Variants in NEDD4L observed in about 807,000 individuals in gnomAD.
The protein encoded by NEDD4L is NEDD4 like E3 ubiquitin protein ligase, also known as E3 ubiquitin-protein ligase NEDD4-like.
In NEDD4L, 54 loss-of-function variants were observed where a neutral mutation model predicts 148.9. The ratio of observed to expected loss-of-function variants is 0.36; its 90% confidence interval spans 0.29 to 0.45. The LOEUF is 0.45. Ranked by LOEUF, NEDD4L falls within the 20% of genes least tolerant of loss-of-function variation. The pLI, the probability that NEDD4L is intolerant of heterozygous loss-of-function variation, is 1.00. For synonymous variants in NEDD4L, 433 were observed against 440.7 expected (o/e 0.98, Z 0.22); for missense variants, 856 against 1,233.8 (o/e 0.69, Z 4.59).
intron 1 of NEDD4L, among the ~76,000 whole-genome samples, chr18:58,130,768 CTG>C (rs376787227): frequency 4.4e-4 from 62 of 140,352 alleles, no homozygotes; most frequent in African/African-American, 1.6e-3. Context: ...TCTAGCGGAA[CTG>C]TGGCAGTGTT....
intron 1 of NEDD4L, among the ~76,000 whole-genome samples, chr18:58,161,845 C>T (rs1307881306): frequency 6.6e-6 from 1 of 151,946 alleles, no homozygotes; most frequent in Non-Finnish European, 1.5e-5. Flanking sequence ...GCTTATGGGG[C>T]CAGTTTTGAA....
intron 2 of NEDD4L, among the ~76,000 whole-genome samples, chr18:58,213,470 T>C (rs1454561092): frequency 2.6e-5 from 4 of 152,242 alleles, no homozygotes; most frequent in African/African-American, 7.2e-5. Context: ...GAAAAATGTA[T>C]AATATCCAGT....
At chr18:58,333,277 T>TA (rs1256719882) in intron 11 of NEDD4L, among the ~76,000 whole-genome samples, 21 of 147,254 alleles carry the variant, frequency 1.4e-4, no homozygotes, top group African/African-American at 5.2e-4. Flanking sequence ...GACTCTATAT[T>TA]TAAAAAAAAA....
At chr18:58,350,943 C>G (rs1476443360) in intron 17 of NEDD4L, 48 bp from the exon 18 acceptor site, 1 of 1,454,818 alleles carries the variant, frequency 6.9e-7, no homozygotes, top group Non-Finnish European at 9.4e-7. Flanking sequence ...TTCAGAACTC[C>G]TAGCTAATGT....
intron 2 of NEDD4L, among the ~76,000 whole-genome samples, chr18:58,214,815 T>TTTTTA (rs1291603873): frequency 0.031 from 3,900 of 127,000 alleles, 74 homozygotes; most frequent in East Asian, 0.15. Flanking sequence ...TTTTTTTTTT[T>TTTTTA]TTGTTGTTGT....
intron 1 of NEDD4L, among the ~76,000 whole-genome samples, chr18:58,125,358 G>GGTGT (rs34644275): frequency 6.2e-4 from 93 of 148,816 alleles, no homozygotes; most frequent in African/African-American, 1.6e-3. Context: ...CCACCAGGAG[G>GGTGT]GTGTGTGTGT....
intron 1 of NEDD4L, among the ~76,000 whole-genome samples, chr18:58,063,011 G>A (rs71365364): frequency 0.8 from 92,360 of 114,950 alleles, 37,999 homozygotes; most frequent in East Asian, 1. Context: ...AAAAGAAATC[G>A]AAGGGTCGAT....
At chr18:58,288,590 A>G (rs562267995) in intron 5 of NEDD4L, among the ~76,000 whole-genome samples, 5 of 152,344 alleles carry the variant, frequency 3.3e-5, no homozygotes, top group African/African-American at 1.2e-4. Context: ...TTGGTTTGCT[A>G]TTGCAAAATG....
In NEDD4L at chr18:58,335,505, T is replaced by A; in HGVS notation, c.1093T>A (p.Ser365Thr). The A allele has an allele frequency of 6.2e-7, 1 of 1,613,670 alleles. No homozygotes were observed. Among genetic ancestry groups the A allele is most frequent in the South Asian group, 1.1e-5 (1 of 91,084 alleles). ...CAGTGCCCCAGCTGGGAGAGCGCGTTCATCAACTGTCACGGGTGGTGAGGA... is the reference window on the plus strand; with the variant it reads ...CAGTGCCCCAGCTGGGAGAGCGCGTACATCAACTGTCACGGGTGGTGAGGA... ...PPSAPAGRAR[S>T]STVTGGEEPT... The change falls in exon 13 of 31, where the codon TCA becomes ACA. Residue 365 changes from serine to threonine, a missense_variant. This residue lies in a region of NEDD4L where 367 missense variants were observed against 422.7 expected (regional missense o/e 0.87). Transcript: ENST00000400345.
intron 1 of NEDD4L, among the ~76,000 whole-genome samples, chr18:58,121,090 A>G (rs532923074): frequency 1.5e-4 from 23 of 152,304 alleles, no homozygotes; most frequent in African/African-American, 5.3e-4. Flanking sequence ...GATCTAAGTA[A>G]AAGTGTCTTC....
intron 13 of NEDD4L, chr18:58,335,989 G>C (rs956920145): frequency 1.9e-5 from 3 of 159,882 alleles, no homozygotes; most frequent in Non-Finnish European, 4.1e-5. Flanking sequence ...ATTTTTCACA[G>C]GGGGTTAGAC....
chr18:58,251,960 A>G (rs1228748184), intron 4 of NEDD4L, 41 bp from the exon 5 acceptor site: 1 of 1,145,256 alleles, frequency 8.7e-7, no homozygotes, highest in Non-Finnish European at 1.3e-6. Flanking sequence ...TGTTCAAATG[A>G]TTCCTGCTCG....
chr18:58,054,929 G>T (rs1029943975), intron 1 of NEDD4L: 1 of 152,086 alleles, frequency 6.6e-6, no homozygotes, highest in African/African-American at 2.4e-5. Flanking sequence ...AATATTATTG[G>T]TATTATTATT....
rs142986277 is a variant in NEDD4L at position 58,199,964 on chromosome 18, G to T, written c.122+34103G>T. Among the ~76,000 whole-genome samples, 9 of 152,186 alleles carry T rather than the reference G, an allele frequency of 5.9e-5. No individual in the cohort carries two copies. The East Asian group carries it at 1.7e-3, about 29-fold the overall frequency. On this transcript the variant is annotated intron_variant, in intron 2 of 30. Transcript: ENST00000400345. ...GGGGAAACTGGCTTCAGGGTACGTG[G>T]GGACTCTATCTTATCTTTATAATAA...
intron 5 of NEDD4L, among the ~76,000 whole-genome samples, chr18:58,283,093 A>G (rs1460150572): frequency 1.3e-5 from 2 of 151,654 alleles, no homozygotes; most frequent in Non-Finnish European, 2.9e-5. Flanking sequence ...TTATTTATTT[A>G]GAGACTGTGT....
intron 1 of NEDD4L, among the ~76,000 whole-genome samples, chr18:58,135,930 A>G (rs372038660): frequency 6.6e-6 from 1 of 152,318 alleles, no homozygotes; most frequent in African/African-American, 2.4e-5. Context: ...ATTGATGGCC[A>G]TACCCCTTGT....
Position 58,366,247 on chromosome 18 carries a change from C to G in NEDD4L, c.2063+19C>G. The G allele has an allele frequency of 6.8e-7, 1 of 1,476,790 alleles. No individual in the cohort carries two copies. Among genetic ancestry groups the G allele is most frequent in the Middle Eastern group, 1.7e-4 (1 of 5,734 alleles). 91.5% of individuals were successfully genotyped at this position (1,476,790 alleles called of 1,614,324 possible). A position where few individuals can be genotyped will look rare whatever the true frequency, so the allele number is the denominator to read the frequency against. On this transcript the variant is annotated intron_variant, in intron 21 of 30. Transcript: ENST00000400345. The surrounding 1 kb of genome is among the most constrained non-coding windows in gnomAD (Gnocchi z 4.2). ...CTGCCACGTAAGTATATGGCCACAC[C>G]CAGTGTGTGTCCCCCACTGAGACAG... is the stretch of plus-strand genomic sequence containing the variant.
intron 1 of NEDD4L, chr18:58,149,615 A>G (rs982146502): frequency 9.7e-6 from 11 of 1,131,754 alleles, no homozygotes; most frequent in Non-Finnish European, 1.4e-5. Flanking sequence ...TTCCTGTGGC[A>G]TTCTGAAGCT....
At chr18:58,190,164 G>A (rs1192526654) in intron 2 of NEDD4L, among the ~76,000 whole-genome samples, 1 of 152,154 alleles carries the variant, frequency 6.6e-6, no homozygotes, top group Admixed American at 6.5e-5. Context: ...CAAATACATA[G>A]AAGGAAGAGT....
Sources: gnomAD v4.1 joint callset for allele counts (sites outside exome capture counted in the v4.1 genomes callset) on GRCh38, gnomAD v4.1.1 for gene constraint, gnomAD v4.1.1 regional missense constraint, Gnocchi (gnomAD v3.1) non-coding constraint, MANE v1.5 for transcripts, NCBI Gene and HGNC (gene_info 2026-07-23, HGNC 2026-07-21) for gene names.